SMG6: variants seen among roughly 807,000 people sequenced by gnomAD.
SMG6 encodes the protein telomerase-binding protein EST1A.
In SMG6, 66 loss-of-function variants were observed where a neutral mutation model predicts 142.2. The observed-to-expected ratio is 0.46, with a 90% CI of 0.38 to 0.57. The LOEUF is 0.57. Among genes scored for constraint, SMG6 ranks in the 20% least tolerant of loss-of-function variants. SMG6 has a pLI of 0.00. For missense variants in SMG6, 1,793 were observed against 1,832.0 expected (o/e 0.98, Z 0.39); for synonymous variants, 779 against 702.4 (o/e 1.11, Z -1.72).
intron 13 of SMG6, among the ~76,000 whole-genome samples, chr17:2,100,762 G>A (rs1246376955): frequency 6.6e-6 from 1 of 152,016 alleles, no homozygotes; most frequent in African/African-American, 2.4e-5. Flanking sequence ...GAACAGGCTG[G>A]TCTTGAACTC....
At chr17:2,103,478 C>G (rs1444307680) in intron 13 of SMG6, among the ~76,000 whole-genome samples, 1 of 152,196 alleles carries the variant, frequency 6.6e-6, no homozygotes, top group Non-Finnish European at 1.5e-5. Context: ...GAGGAAGAAA[C>G]AGCGGACCAG....
chr17:2,170,770 C>A (rs1035355773), intron 13 of SMG6, among the ~76,000 whole-genome samples: 1 of 152,148 alleles, frequency 6.6e-6, no homozygotes, highest in African/African-American at 2.4e-5. Flanking sequence ...AATCTACTTA[C>A]AGCAATTTAA....
intron 8 of SMG6, among the ~76,000 whole-genome samples, chr17:2,258,141 C>A (rs2074234958): frequency 6.6e-6 from 1 of 151,356 alleles, no homozygotes; most frequent in Admixed American, 6.6e-5. Context: ...AAGCACTTTG[C>A]GTCTGTTAAC....
intron 13 of SMG6, among the ~76,000 whole-genome samples, chr17:2,158,860 CAA>C (rs1156515446): frequency 9.3e-4 from 30 of 32,386 alleles, no homozygotes; most frequent in Non-Finnish European, 1.2e-3. Context: ...GACCCTGTTT[CAA>C]AAAAAAAAAA....
intron 13 of SMG6, chr17:2,088,655 C>T: frequency 1.0e-6 from 1 of 985,398 alleles, no homozygotes; most frequent in Non-Finnish European, 1.2e-6. Flanking sequence ...CCTTTGCAAT[C>T]CAAGCAGCAG....
Position 2,299,907 on chromosome 17 carries a change from TCGG to T in SMG6, c.843_845del (p.Arg282del), listed in dbSNP as rs758987088. 1.9e-6 allele frequency: 3 copies of T among 1,614,038 alleles called. No individual in the cohort carries two copies. Among genetic ancestry groups the T allele is most frequent in the South Asian group, 1.1e-5 (1 of 91,082 alleles). On this transcript the variant is annotated inframe_deletion, in exon 2 of 19. Transcript: ENST00000263073. The surrounding 1 kb of genome is among the most constrained non-coding windows in gnomAD (Gnocchi z 4.3). Reference sequence around the variant, plus strand: ...GTGGCCTCTCCTTGGTCCTATCCTGTCGGCGGCGGCGACATCCATTATCCGTCA... The same window carrying T: ...GTGGCCTCTCCTTGGTCCTATCCTGTCGGCGGCGACATCCATTATCCGTCA...
chr17:2,188,329 T>C, intron 11 of SMG6, 70 bp downstream of exon 11: 2 of 1,238,516 alleles, frequency 1.6e-6, no homozygotes, highest in Admixed American at 1.9e-5. Flanking sequence ...GAAAACAGCA[T>C]GGCACTGTGA....
chr17:2,155,055 A>ATT (rs35087650), intron 13 of SMG6, among the ~76,000 whole-genome samples: 48,521 of 143,422 alleles, frequency 0.34, 8,575 homozygotes, highest in African/African-American at 0.45. Context: ...GAGAAAAAAA[A>ATT]TTTTTTTTTT....
intron 13 of SMG6, among the ~76,000 whole-genome samples, chr17:2,131,821 T>C (rs1009897155): frequency 6.6e-6 from 1 of 152,164 alleles, no homozygotes; most frequent in African/African-American, 2.4e-5. Context: ...AGTGTAATTC[T>C]AGCACTTTAG....
chr17:2,291,263 G>A (rs1042840805), intron 6 of SMG6, among the ~76,000 whole-genome samples: 28 of 152,070 alleles, frequency 1.8e-4, no homozygotes, highest in African/African-American at 5.5e-4. Context: ...CCCGGGAGGC[G>A]GAGCTTGCCG....
chr17:2,265,229 A>G (rs905988107), intron 8 of SMG6, among the ~76,000 whole-genome samples: 4 of 152,138 alleles, frequency 2.6e-5, no homozygotes, highest in African/African-American at 9.7e-5. Context: ...TGCATAATGA[A>G]GAACTGTCGG....
At chr17:2,205,441 T>G (rs573789696) in intron 10 of SMG6, among the ~76,000 whole-genome samples, 5 of 152,170 alleles carry the variant, frequency 3.3e-5, no homozygotes, top group Non-Finnish European at 7.3e-5. Flanking sequence ...TATACCACAA[T>G]TCACAAAAGA....
rs2072013651 is a variant in SMG6 at position 2,187,141 on chromosome 17, A to C, written c.2987-310T>G. On this transcript the variant is annotated intron_variant, in intron 11 of 18. Coordinates refer to ENST00000263073, the MANE Select transcript of SMG6 (RefSeq NM_017575.5). ...CAGCACAGTACCAAGATGGCACCAGAGTTCTTGCCAAAACTGCATGACCTG... is the reference window on the plus strand; with the variant it reads ...CAGCACAGTACCAAGATGGCACCAGCGTTCTTGCCAAAACTGCATGACCTG... Among the ~76,000 whole-genome samples the C allele has an allele frequency of 1.3e-5, 2 of 152,228 alleles. 1 individual carries two copies. Among genetic ancestry groups the C allele is most frequent in the South Asian group, 4.1e-4 (2 of 4,828 alleles).
chr17:2,271,424 T>C (rs543753510), intron 8 of SMG6, among the ~76,000 whole-genome samples: 3 of 150,612 alleles, frequency 2.0e-5, no homozygotes, highest in South Asian at 2.2e-4. Flanking sequence ...CTATACATTT[T>C]AAAAAGCAGC....
Position 2,297,296 on chromosome 17 carries a change from G to A in SMG6, c.2098C>T (p.Leu700=). 2 of 1,613,660 alleles carry A rather than the reference G, an allele frequency of 1.2e-6. No individual in the cohort carries two copies. Among genetic ancestry groups the A allele is most frequent in the Non-Finnish European group, 1.7e-6 (2 of 1,179,832 alleles). ...GCAAGACCATCCATGTAGTCTTCCAGTTTGAACTTGTAAGTAACCTGCAGC... is the reference window on the plus strand; with the variant it reads ...GCAAGACCATCCATGTAGTCTTCCAATTTGAACTTGTAAGTAACCTGCAGC... ...QKLQVTYKFK[L]EDYMDGLAIR... is the part of the protein sequence containing the mutation. The change falls in exon 4 of 19, where the codon CTG becomes TTG. Residue 700 remains leucine (L), a synonymous_variant. Coordinates refer to ENST00000263073, the MANE Select transcript of SMG6 (RefSeq NM_017575.5).
chr17:2,253,959 C>T (rs1597717485), intron 8 of SMG6, among the ~76,000 whole-genome samples: 1 of 152,232 alleles, frequency 6.6e-6, no homozygotes, highest in East Asian at 1.9e-4. Flanking sequence ...TTTCCCAAAA[C>T]ATCCCTATCA....
intron 15 of SMG6, among the ~76,000 whole-genome samples, chr17:2,073,295 A>G (rs879469912): frequency 3.3e-5 from 5 of 151,834 alleles, no homozygotes; most frequent in Non-Finnish European, 5.9e-5. Flanking sequence ...TGTTGGCCAC[A>G]CTGGTCTCAA....
intron 13 of SMG6, among the ~76,000 whole-genome samples, chr17:2,114,970 G>GAAATA (rs143639119): frequency 1.4e-3 from 163 of 117,612 alleles, no homozygotes; most frequent in Middle Eastern, 4.9e-3. Flanking sequence ...GAAATGAAAT[G>GAAATA]AAATAAAATA....
intron 13 of SMG6, among the ~76,000 whole-genome samples, chr17:2,140,247 G>T (rs2070434869): frequency 6.6e-6 from 1 of 152,024 alleles, no homozygotes; most frequent in African/African-American, 2.4e-5. Context: ...ACTTTTAGTA[G>T]AGATGGGGTT....
Sources: allele counts gnomAD v4.1 joint callset (sites outside exome capture counted in the v4.1 genomes callset), GRCh38; gene constraint gnomAD v4.1.1; non-coding constraint Gnocchi (gnomAD v3.1); transcripts MANE v1.5; gene names NCBI Gene and HGNC (gene_info 2026-07-23, HGNC 2026-07-21).